The following SYNE1 variants were observed in gnomAD, a reference collection of about 807,000 sequenced individuals.
The protein encoded by SYNE1 is spectrin repeat containing nuclear envelope protein 1.
SYNE1 carries 616 observed loss-of-function variants against 1,111.0 expected under a neutral mutation model. That is an observed-to-expected ratio of 0.55 (90% CI 0.52 to 0.59). SYNE1 has a LOEUF of 0.59. Ranked by LOEUF, SYNE1 falls within the 20% of genes least tolerant of loss-of-function variation. SYNE1 has a pLI of 0.00. For synonymous variants in SYNE1, 3,855 were observed against 3,825.8 expected, an observed-to-expected ratio of 1.01 and a Z score of -0.28; for missense variants, 10,006 against 10,417.0, an observed-to-expected ratio of 0.96 and a Z score of 1.72.
In SYNE1 at chr6:152,224,730, T is replaced by C. The variant is rs17082358; in HGVS notation, c.21352-66A>G. The C allele has an allele frequency of 0.18, 266,921 of 1,494,814 alleles. 25,168 individuals carry two copies. Among genetic ancestry groups the C allele is most frequent in the Non-Finnish European group, 0.19 (208,787 of 1,077,030 alleles). The allele number at this position is 1,494,814 out of a possible 1,614,324, so 92.6% of individuals were successfully genotyped here. Reference sequence around the variant, plus strand: ...CTAGAATGATGGAATATATATTCAATTGATGGGAAAATATTAACATCTAAG... The same window carrying C: ...CTAGAATGATGGAATATATATTCAACTGATGGGAAAATATTAACATCTAAG... On this transcript the variant is annotated intron_variant, in intron 116 of 145. Transcript: ENST00000367255.
At position 152,310,431 on chromosome 6, in the gene SYNE1, G is replaced by A. The variant is rs145899734; in HGVS notation, c.16984C>T (p.Arg5662Cys). ...GAGAGCTGCTCCTTGAGACTGAGACGTCCAACTTCTGGAGAAGTCAGTGTT... is the reference window on the plus strand; with the variant it reads ...GAGAGCTGCTCCTTGAGACTGAGACATCCAACTTCTGGAGAAGTCAGTGTT... Reference protein sequence around the residue: ...QATLTSPEVGRLSLKEQLSHR... With the variant: ...QATLTSPEVGCLSLKEQLSHR... Residue 5662 changes from arginine to cysteine, a missense_variant, in exon 89 of 146, where the codon CGT (arginine) becomes TGT (cysteine). Transcript: ENST00000367255. 6.3e-4 allele frequency: 1,021 copies of A among 1,614,132 alleles called. 1 individual carries two copies. Among genetic ancestry groups the A allele is most frequent in the Middle Eastern group, 3.5e-3 (21 of 6,062 alleles).
chr6:152,369,655 T>G (rs1205351170), intron 59 of SYNE1, 41 bp from the exon 60 acceptor site: 5 of 1,611,152 alleles, frequency 3.1e-6, no homozygotes, highest in Non-Finnish European at 4.2e-6. Context: ...GAAAATATTT[T>G]AATAGCAAGT....
chr6:152,360,912 T>G (rs1384177636), intron 64 of SYNE1, among the ~76,000 whole-genome samples: 1 of 152,080 alleles, frequency 6.6e-6, no homozygotes, highest in Admixed American at 6.6e-5. Context: ...GAGAGCCAAG[T>G]GTTGAGGATA....
rs750766536 is a variant in SYNE1 at position 152,500,383 on chromosome 6, A to G, written c.889-1591T>C. 3.9e-5 allele frequency among the ~76,000 whole-genome samples: 6 copies of G among 152,234 alleles called. No homozygotes were observed. The East Asian group carries it at 9.6e-4, about 24-fold the overall frequency. On this transcript the variant is annotated intron_variant, in intron 10 of 145. Transcript: ENST00000367255. Reference sequence around the variant, plus strand: ...AACAATTACTTTACTAGTAATAACTATAGTTAAGTCACGCTGGTGGCCAAT... The same window carrying G: ...AACAATTACTTTACTAGTAATAACTGTAGTTAAGTCACGCTGGTGGCCAAT...
chr6:152,466,265 C>G (rs919486782), intron 16 of SYNE1, among the ~76,000 whole-genome samples, 187 bp from the exon 17 acceptor site: 1 of 152,154 alleles, frequency 6.6e-6, no homozygotes, highest in African/African-American at 2.4e-5. Flanking sequence ...TAAATTGATT[C>G]CACGCTTTTG....
Position 152,598,199 on chromosome 6 carries a change from G to A in SYNE1, c.67+30066C>T, listed in dbSNP as rs189872145. On this transcript the variant is annotated intron_variant, in intron 3 of 145. Transcript: ENST00000367255. ...ACCCGGTGGGAGGTAATTGAATCAT[G>A]GGGTCGGGCCTTTCCTGCGCTATTC... Among the ~76,000 whole-genome samples, 840 of 152,126 alleles carry A rather than the reference G, an allele frequency of 5.5e-3. 8 individuals carry two copies. The highest frequency in any genetic ancestry group is 0.026 in the South Asian group (124 of 4,812).
At chr6:152,372,789 G>A (rs1295731188) in intron 59 of SYNE1, among the ~76,000 whole-genome samples, 1 of 152,204 alleles carries the variant, frequency 6.6e-6, no homozygotes, top group Non-Finnish European at 1.5e-5. Context: ...TGTTCCTGCT[G>A]GGAGAGTGCA....
intron 54 of SYNE1, among the ~76,000 whole-genome samples, chr6:152,386,799 TA>T (rs2097532778): frequency 1.0e-5 from 1 of 96,304 alleles, no homozygotes; most frequent in African/African-American, 3.4e-5. Flanking sequence ...AGAGATTAAC[TA>T]AAAAAGCGGA....
intron 127 of SYNE1, among the ~76,000 whole-genome samples, chr6:152,200,895 G>GA (rs1438826739): frequency 6.6e-6 from 1 of 152,086 alleles, no homozygotes; most frequent in East Asian, 1.9e-4. Flanking sequence ...TACAACTGAA[G>GA]AAAAAATTCT....
At chr6:152,609,338 A>C (rs1283553167) in intron 3 of SYNE1, among the ~76,000 whole-genome samples, 1 of 152,178 alleles carries the variant, frequency 6.6e-6, no homozygotes, top group Non-Finnish European at 1.5e-5. Flanking sequence ...CTGGCTCAGC[A>C]GGTCCCACAC....
chr6:152,506,506 T>C (rs1564520911), intron 8 of SYNE1, among the ~76,000 whole-genome samples: 1 of 152,004 alleles, frequency 6.6e-6, no homozygotes, highest in Admixed American at 6.6e-5. Context: ...ATTAATATAA[T>C]AAGTTTGTAA....
intron 113 of SYNE1, among the ~76,000 whole-genome samples, chr6:152,231,774 A>T (rs950688102): frequency 9.1e-6 from 1 of 109,682 alleles, no homozygotes; most frequent in Non-Finnish European, 1.7e-5. Flanking sequence ...AAACACAGAT[A>T]TACGTGTGTA....
At chr6:152,141,746 C>A (rs922239363) in intron 138 of SYNE1, among the ~76,000 whole-genome samples, 4 of 151,386 alleles carry the variant, frequency 2.6e-5, no homozygotes, top group Admixed American at 2.6e-4. Flanking sequence ...CAGAGTGAGA[C>A]CCAGTCTCAA....
chr6:152,311,597 A>T (rs1355932518), intron 87 of SYNE1, among the ~76,000 whole-genome samples: 1 of 152,198 alleles, frequency 6.6e-6, no homozygotes, highest in Non-Finnish European at 1.5e-5. Flanking sequence ...ATCTGAGCCC[A>T]GTCAGAAGGA....
chr6:152,303,681 C>T (rs1422678874), intron 91 of SYNE1, among the ~76,000 whole-genome samples: 14 of 152,132 alleles, frequency 9.2e-5, no homozygotes, highest in Non-Finnish European at 5.9e-5. Context: ...TAAATCATCT[C>T]TAGATTACTA....
chr6:152,471,104 A>T (rs1283924651), intron 16 of SYNE1, among the ~76,000 whole-genome samples: 1 of 152,192 alleles, frequency 6.6e-6, no homozygotes, highest in African/African-American at 2.4e-5. Flanking sequence ...CAGGGTGCAC[A>T]CAAGAGGCAA....
chr6:152,277,873 C>T, intron 98 of SYNE1: 1 of 623,042 alleles, frequency 1.6e-6, no homozygotes, highest in Non-Finnish European at 2.9e-6. Flanking sequence ...CTCCGCTGAA[C>T]AGCTGTTGTT....
At chr6:152,534,580 C>T (rs1252900727) in intron 4 of SYNE1, among the ~76,000 whole-genome samples, 2 of 152,180 alleles carry the variant, frequency 1.3e-5, no homozygotes, top group African/African-American at 4.8e-5. Flanking sequence ...ACATATCCAT[C>T]ATCTCACCTA....
chr6:152,239,502 A>G, intron 108 of SYNE1, 31 bp downstream of exon 108: 1 of 1,613,634 alleles, frequency 6.2e-7, no homozygotes, highest in South Asian at 1.1e-5. Context: ...GGAAGTTTGC[A>G]GCACAGAAGA....
Sources: allele counts gnomAD v4.1 joint callset (sites outside exome capture counted in the v4.1 genomes callset), GRCh38; gene constraint gnomAD v4.1.1; transcripts MANE v1.5; gene names NCBI Gene and HGNC (gene_info 2026-07-23, HGNC 2026-07-21).